RSPO2: variants seen among roughly 807,000 people sequenced by gnomAD.
RSPO2 encodes R-spondin 2.
In RSPO2, 14 loss-of-function variants were observed where a neutral mutation model predicts 30.9. That is an observed-to-expected ratio of 0.45 (90% CI 0.30 to 0.71). RSPO2 has a LOEUF of 0.71. Among genes scored for constraint, RSPO2 ranks in the 30% least tolerant of loss-of-function variants. The pLI, the probability that RSPO2 is intolerant of heterozygous loss-of-function variation, is 0.08. For missense variants in RSPO2, 264 were observed against 301.9 expected (o/e 0.87, Z 0.93); for synonymous variants, 107 against 96.4 (o/e 1.11, Z -0.64).
chr8:108,016,616 C>T (rs1810896403), intron 2 of RSPO2, among the ~76,000 whole-genome samples: 2 of 152,176 alleles, frequency 1.3e-5, no homozygotes, highest in South Asian at 2.1e-4. Flanking sequence ...TATACACACA[C>T]TATGTGGCTC....
chr8:107,936,943 G>A (rs931544166), intron 5 of RSPO2, among the ~76,000 whole-genome samples: 1 of 151,950 alleles, frequency 6.6e-6, no homozygotes, highest in Non-Finnish European at 1.5e-5. Flanking sequence ...TCAACAGATC[G>A]TCTCTTCACT....
intron 3 of RSPO2, among the ~76,000 whole-genome samples, chr8:107,986,858 A>C (rs1194837958): frequency 6.6e-6 from 1 of 152,234 alleles, no homozygotes; most frequent in Non-Finnish European, 1.5e-5. Context: ...CTGAACAGGA[A>C]TCCTTTCCAA....
chr8:107,941,466 C>A (rs964754344), intron 5 of RSPO2, among the ~76,000 whole-genome samples: 4 of 152,216 alleles, frequency 2.6e-5, no homozygotes, highest in Non-Finnish European at 2.9e-5. Context: ...GCAATTTCTA[C>A]ACCCTATACA....
chr8:108,035,637 A>AT (rs1811572966), intron 2 of RSPO2, among the ~76,000 whole-genome samples: 1 of 151,776 alleles, frequency 6.6e-6, no homozygotes, highest in Non-Finnish European at 1.5e-5. Context: ...TGCCCGGCTA[A>AT]TTTTTTTGTA....
At chr8:108,005,738 T>C (rs1217776052) in intron 2 of RSPO2, among the ~76,000 whole-genome samples, 4 of 152,150 alleles carry the variant, frequency 2.6e-5, no homozygotes, top group Non-Finnish European at 5.9e-5. Context: ...ATGCAATTTA[T>C]CCTGGAAGAG....
chr8:108,049,235 C>T (rs1041807809), intron 2 of RSPO2, among the ~76,000 whole-genome samples: 1 of 151,786 alleles, frequency 6.6e-6, no homozygotes, highest in Admixed American at 6.6e-5. Context: ...TACCCTAGAA[C>T]TTAAAGTATA....
At chr8:107,909,259 G>GTTTT (rs11292252) in intron 5 of RSPO2, among the ~76,000 whole-genome samples, 50 of 91,566 alleles carry the variant, frequency 5.5e-4, no homozygotes, top group East Asian at 2.0e-3. Context: ...TTTCCCAGTT[G>GTTTT]TTTTTTTTTT....
At chr8:107,910,421 T>C (rs1459567743) in intron 5 of RSPO2, among the ~76,000 whole-genome samples, 2 of 152,200 alleles carry the variant, frequency 1.3e-5, no homozygotes, top group African/African-American at 4.8e-5. Context: ...TAGTCCCAAC[T>C]ACTCAGAAGC....
intron 2 of RSPO2, among the ~76,000 whole-genome samples, chr8:108,062,652 A>C (rs1812508595): frequency 6.6e-6 from 1 of 151,888 alleles, no homozygotes; most frequent in Non-Finnish European, 1.5e-5. Flanking sequence ...CAATCAACAG[A>C]AAAAGACGGA....
chr8:108,024,976 G>A (rs1811164849), intron 2 of RSPO2, among the ~76,000 whole-genome samples: 1 of 152,150 alleles, frequency 6.6e-6, no homozygotes, highest in Non-Finnish European at 1.5e-5. Flanking sequence ...CCGAGATCAT[G>A]CCACTGTACT....
intron 2 of RSPO2, among the ~76,000 whole-genome samples, chr8:107,992,369 A>T (rs541256686): frequency 1.1e-4 from 17 of 152,292 alleles, no homozygotes; most frequent in African/African-American, 3.6e-4. Context: ...ACACATGGAC[A>T]CATAGAGGGA....
chr8:107,938,885 C>A (rs1346190570), intron 5 of RSPO2, among the ~76,000 whole-genome samples: 1 of 152,138 alleles, frequency 6.6e-6, no homozygotes, highest in African/African-American at 2.4e-5. Flanking sequence ...ACTACAAATG[C>A]TACCCACATT....
chr8:107,971,094 C>T (rs11986139), intron 3 of RSPO2, among the ~76,000 whole-genome samples: 1 of 152,160 alleles, frequency 6.6e-6, no homozygotes. Context: ...AACTAAAGCA[C>T]TAGGTGTATG....
chr8:108,058,140 A>T (rs113302443), intron 2 of RSPO2, among the ~76,000 whole-genome samples: 7,707 of 148,490 alleles, frequency 0.052, 609 homozygotes, highest in African/African-American at 0.17. Flanking sequence ...ATTGAGATAC[A>T]TCCCATCAAT....
At chr8:108,013,785 G>C (rs1311547072) in intron 2 of RSPO2, among the ~76,000 whole-genome samples, 1 of 152,094 alleles carries the variant, frequency 6.6e-6, no homozygotes, top group Non-Finnish European at 1.5e-5. Context: ...CAGGACATAG[G>C]TATGTGCAAT....
intron 2 of RSPO2, among the ~76,000 whole-genome samples, chr8:108,064,033 A>G (rs1173877035): frequency 6.6e-6 from 1 of 152,196 alleles, no homozygotes; most frequent in African/African-American, 2.4e-5. Flanking sequence ...TTAATTCAAG[A>G]TGGATTAAAG....
intron 2 of RSPO2, among the ~76,000 whole-genome samples, chr8:108,032,490 T>C (rs1295798477): frequency 6.6e-6 from 1 of 152,246 alleles, no homozygotes; most frequent in Non-Finnish European, 1.5e-5. Flanking sequence ...CTATTTTGTG[T>C]CCTAGTCACA....
intron 2 of RSPO2, among the ~76,000 whole-genome samples, chr8:108,053,946 T>C (rs891436648): frequency 1.3e-5 from 2 of 152,194 alleles, no homozygotes; most frequent in Admixed American, 6.5e-5. Context: ...CCCCATTTTC[T>C]TGAAATCCAC....
chr8:108,040,357 G>A (rs968321888), intron 2 of RSPO2, among the ~76,000 whole-genome samples: 18 of 152,036 alleles, frequency 1.2e-4, no homozygotes, highest in Admixed American at 5.2e-4. Context: ...GGGTCTTACA[G>A]GCTAGACTTC....
Sources: gnomAD v4.1 joint callset for allele counts (sites outside exome capture counted in the v4.1 genomes callset) on GRCh38, gnomAD v4.1.1 for gene constraint, MANE v1.5 for transcripts, NCBI Gene and HGNC (gene_info 2026-07-23, HGNC 2026-07-21) for gene names.